Variants in ROBO2 observed in about 807,000 individuals in gnomAD.
ROBO2 encodes roundabout guidance receptor 2, also known as roundabout homolog 2.
ROBO2 carries 53 observed loss-of-function variants against 160.8 expected under a neutral mutation model. That is an observed-to-expected ratio of 0.33 (90% CI 0.26 to 0.41). The LOEUF (loss-of-function observed/expected upper bound fraction) is 0.41, where lower values mean the gene tolerates loss of function less well. Ranked by LOEUF, ROBO2 falls within the 10% of genes least tolerant of loss-of-function variation. The probability of loss-of-function intolerance (pLI) is 1.00; values close to 1 mark genes in which losing one functional copy is unlikely to be tolerated. For synonymous variants in ROBO2, 664 were observed against 611.7 expected (o/e 1.09, Z -1.26); for missense variants, 1,577 against 1,722.4 (o/e 0.92, Z 1.49).
intron 2 of ROBO2, among the ~76,000 whole-genome samples, chr3:77,373,968 T>C (rs564482757): frequency 5.8e-5 from 8 of 138,404 alleles, no homozygotes; most frequent in African/African-American, 1.6e-4. Flanking sequence ...AGGTCAGGAG[T>C]TCAAGACCAG....
At chr3:77,153,734 A>G (rs1029365688) in intron 2 of ROBO2, among the ~76,000 whole-genome samples, 1 of 152,142 alleles carries the variant, frequency 6.6e-6, no homozygotes, top group Non-Finnish European at 1.5e-5. Flanking sequence ...TTTTCATGGT[A>G]TAAATGACAT....
At chr3:76,834,159 C>CTT (rs1553651444) in intron 2 of ROBO2, among the ~76,000 whole-genome samples, 2 of 113,078 alleles carry the variant, frequency 1.8e-5, no homozygotes, top group East Asian at 3.8e-4. Context: ...TTCTTTCTCT[C>CTT]TCTTTCTTTC....
chr3:76,261,053 C>T (rs529427688), intron 2 of ROBO2, among the ~76,000 whole-genome samples: 6 of 152,038 alleles, frequency 3.9e-5, no homozygotes, highest in African/African-American at 1.4e-4. Flanking sequence ...GAAGGAACAA[C>T]TAGATAATTG....
intron 2 of ROBO2, among the ~76,000 whole-genome samples, chr3:76,565,685 A>G (rs1373990260): frequency 6.6e-6 from 1 of 152,156 alleles, no homozygotes; most frequent in African/African-American, 2.4e-5. Context: ...TTTCTGAGCT[A>G]GTTAAGGGTT....
rs541882998 is a variant in ROBO2 at position 76,195,920 on chromosome 3, G to A, written c.109+258318G>A. On this transcript the variant is annotated intron_variant, in intron 2 of 26. Coordinates refer to the ROBO2 transcript ENST00000487694. ...TTAGCCACATCCTTAGTTTTATAAG[G>A]TAGGGTCAGAGACTCTGGACTTCAT... 8.9e-5 allele frequency among the ~76,000 whole-genome samples: 13 copies of A among 145,574 alleles called. No homozygotes were observed. The South Asian group carries it at 2.8e-3, about 31-fold the overall frequency.
intron 1 of ROBO2, among the ~76,000 whole-genome samples, chr3:75,936,258 C>G (rs961302560): frequency 1.1e-4 from 17 of 152,144 alleles, no homozygotes; most frequent in Non-Finnish European, 2.2e-4. Context: ...ATTAAATCTT[C>G]CCCTTTCATG....
chr3:75,998,217 C>T (rs1254720265), intron 2 of ROBO2, among the ~76,000 whole-genome samples: 3 of 152,094 alleles, frequency 2.0e-5, no homozygotes, highest in African/African-American at 4.8e-5. Context: ...TCTAATCTCC[C>T]CTATTTCATG....
chr3:77,154,408 C>G (rs2077803053), intron 2 of ROBO2, among the ~76,000 whole-genome samples: 2 of 152,008 alleles, frequency 1.3e-5, no homozygotes, highest in South Asian at 4.1e-4. Flanking sequence ...TTTATACATC[C>G]TTGGTGGGGA....
chr3:76,648,571 A>G (rs2091096185), intron 2 of ROBO2, among the ~76,000 whole-genome samples: 1 of 152,058 alleles, frequency 6.6e-6, no homozygotes, highest in Admixed American at 6.6e-5. Flanking sequence ...CTGTATTGTG[A>G]TTATATAGGA....
At chr3:76,460,855 TA>T (rs1419894177) in intron 2 of ROBO2, among the ~76,000 whole-genome samples, 1 of 152,184 alleles carries the variant, frequency 6.6e-6, no homozygotes, top group East Asian at 1.9e-4. Context: ...TGTAGATATC[TA>T]AGAAAAATAC....
intron 2 of ROBO2, among the ~76,000 whole-genome samples, chr3:77,151,033 A>G (rs2077510033): frequency 6.6e-6 from 1 of 152,126 alleles, no homozygotes; most frequent in Non-Finnish European, 1.5e-5. Context: ...ATCAAATTGC[A>G]TTATCATAAT....
intron 2 of ROBO2, among the ~76,000 whole-genome samples, chr3:76,238,279 C>G (rs951163650): frequency 2.0e-5 from 3 of 152,050 alleles, no homozygotes; most frequent in Non-Finnish European, 1.5e-5. Flanking sequence ...TGGGAAAGGC[C>G]TCAGGAAACT....
intron 2 of ROBO2, among the ~76,000 whole-genome samples, chr3:76,897,420 G>C (rs142220181): frequency 2.6e-5 from 4 of 152,040 alleles, no homozygotes; most frequent in African/African-American, 9.7e-5. Context: ...GACACAGGAG[G>C]ATCATCTTGA....
intron 2 of ROBO2, among the ~76,000 whole-genome samples, chr3:76,187,342 A>G (rs1203850123): frequency 6.6e-6 from 1 of 152,022 alleles, no homozygotes; most frequent in East Asian, 1.9e-4. Flanking sequence ...TGGTATGAAC[A>G]TGGCTTATCA....
intron 2 of ROBO2, among the ~76,000 whole-genome samples, chr3:76,724,859 C>T (rs780811037): frequency 1.5e-4 from 23 of 152,168 alleles, no homozygotes; most frequent in East Asian, 3.9e-4. Flanking sequence ...AGTGTCCTTA[C>T]GAGAGAGGCA....
At chr3:76,012,400 A>G (rs1171520519) in intron 2 of ROBO2, among the ~76,000 whole-genome samples, 1 of 152,152 alleles carries the variant, frequency 6.6e-6, no homozygotes, top group East Asian at 1.9e-4. Flanking sequence ...AACACTTTTT[A>G]TATGTTTTCT....
chr3:76,616,344 G>T (rs2088582356), intron 2 of ROBO2, among the ~76,000 whole-genome samples: 1 of 152,180 alleles, frequency 6.6e-6, no homozygotes, highest in Non-Finnish European at 1.5e-5. Flanking sequence ...GCTCAAGAGA[G>T]ATAGAAGTCA....
At chr3:77,164,113 C>T (rs2078734667) in intron 2 of ROBO2, among the ~76,000 whole-genome samples, 1 of 152,138 alleles carries the variant, frequency 6.6e-6, no homozygotes, top group Non-Finnish European at 1.5e-5. Flanking sequence ...TATAGGTTTG[C>T]AAGATGTAAC....
chr3:76,956,460 G>A (rs2079266765), intron 2 of ROBO2, among the ~76,000 whole-genome samples: 1 of 151,888 alleles, frequency 6.6e-6, no homozygotes, highest in Admixed American at 6.6e-5. Context: ...GGGAGGCTGA[G>A]GCAGGAGAAT....
Sources: gnomAD v4.1 joint callset for allele counts (sites outside exome capture counted in the v4.1 genomes callset) on GRCh38, gnomAD v4.1.1 for gene constraint, MANE v1.5 for transcripts, NCBI Gene and HGNC (gene_info 2026-07-23, HGNC 2026-07-21) for gene names.